KIAA2012: variants seen among roughly 807,000 people sequenced by gnomAD.
KIAA2012 encodes KIAA2012, also known as uncharacterized protein KIAA2012.
A neutral mutation model predicts 150.6 loss-of-function variants in KIAA2012; 125 were observed. The observed-to-expected ratio is 0.83, with a 90% CI of 0.72 to 0.96. The LOEUF (loss-of-function observed/expected upper bound fraction) is 0.96. KIAA2012 is among the 40% of genes least tolerant of loss of function. The probability of loss-of-function intolerance (pLI) is 0.00; values close to 1 mark genes in which losing one functional copy is unlikely to be tolerated. For synonymous variants in KIAA2012, 462 were observed against 504.7 expected (o/e 0.92, Z 1.13); for missense variants, 1,219 against 1,354.9 (o/e 0.90, Z 1.57).
rs1023065509 is a variant in KIAA2012 at position 202,073,564 on chromosome 2, G to C, written c.-64G>C. ...GTGAGCTCTGGAAATCTTGAGGTGT[G>C]ACCAGATTTCAGCCTTCAAAACCAA... On this transcript the variant is annotated 5_prime_UTR_variant, in exon 1 of 24. Coordinates refer to ENST00000498697, the MANE Select transcript of KIAA2012 (RefSeq NM_001277372.4). 1.4e-6 allele frequency: 2 copies of C among 1,405,372 alleles called. No homozygotes were observed. The highest frequency in any genetic ancestry group is 1.4e-5 in the African/African-American group (1 of 70,008). The allele number at this position is 1,405,372 out of a possible 1,614,324, so 87.1% of individuals were successfully genotyped here. A position where few individuals can be genotyped will look rare whatever the true frequency, so the allele number is the denominator to read the frequency against.
chr2:202,075,092 A>G lies in KIAA2012; in HGVS notation c.286A>G (p.Arg96Gly). Residue 96 changes from arginine (R) to glycine (G), a missense_variant, in exon 2 of 24, where the codon AGA becomes GGA. Physicochemically the swap from Arg to Gly is moderately radical, Grantham distance 125. Transcript: ENST00000498697. Reference protein sequence around the residue: ...KERRKGPYCPRGPWRKLDLEL... With the variant: ...KERRKGPYCPGGPWRKLDLEL... The stretch of plus-strand genomic sequence containing the variant: ...GAGGAGAAAAGGCCCCTACTGCCCC[A>G]GAGGTCCCTGGAGGAAGCTGGATCT... 6.4e-7 allele frequency: 1 copy of G among 1,550,558 alleles called. No individual in the cohort carries two copies. Among genetic ancestry groups the G allele is most frequent in the Non-Finnish European group, 8.7e-7 (1 of 1,147,002 alleles).
chr2:202,097,080 C>G (rs1689903958), intron 4 of KIAA2012, among the ~76,000 whole-genome samples: 1 of 152,180 alleles, frequency 6.6e-6, no homozygotes, highest in African/African-American at 2.4e-5. Context: ...ATCCACTAAT[C>G]CCTCACAGTT....
intron 9 of KIAA2012, 137 bp from the exon 10 acceptor site, chr2:202,109,476 C>A: frequency 1.4e-6 from 1 of 702,428 alleles, no homozygotes; most frequent in Non-Finnish European, 2.2e-6. Context: ...TTTCTCCCTT[C>A]TAGCCACAAT....
chr2:202,132,498 C>T lies in KIAA2012; in HGVS notation c.1832-5934C>T, dbSNP rs538565233. On this transcript the variant is annotated intron_variant, in intron 12 of 23. Coordinates refer to ENST00000498697, the MANE Select transcript of KIAA2012 (RefSeq NM_001277372.4). ...CCTGGCCAACATGGCAAAACCCCGTCTCTACTGAAAATACAAAAATTAGCC... is the reference window on the plus strand; with the variant it reads ...CCTGGCCAACATGGCAAAACCCCGTTTCTACTGAAAATACAAAAATTAGCC... Among the ~76,000 whole-genome samples, 4 of 151,642 alleles carry T rather than the reference C, an allele frequency of 2.6e-5. No individual in the cohort carries two copies. In the South Asian group the frequency reaches 8.3e-4, roughly 32 times the overall value.
Position 202,081,175 on chromosome 2 carries a change from C to T in KIAA2012, c.369+6000C>T, listed in dbSNP as rs566470885. On this transcript the variant is annotated intron_variant, in intron 2 of 23. Transcript: ENST00000498697. ...ATGAATTCATGTTGTAGCATGTATCCGAATTTCCTTCTTTTGCAAAGCTGA... is the reference window on the plus strand; with the variant it reads ...ATGAATTCATGTTGTAGCATGTATCTGAATTTCCTTCTTTTGCAAAGCTGA... 8.5e-5 allele frequency among the ~76,000 whole-genome samples: 13 copies of T among 152,324 alleles called. No individual in the cohort carries two copies. In the South Asian group the frequency reaches 1.4e-3, roughly 17 times the overall value.
chr2:202,133,130 A>ATATATATATTTTTTTTTTTTTT (rs1279080237), intron 12 of KIAA2012, among the ~76,000 whole-genome samples: 6 of 67,788 alleles, frequency 8.9e-5, no homozygotes, highest in South Asian at 1.1e-3. Flanking sequence ...ATATATATAT[A>ATATATATATTTTTTTTTTTTTT]TTTTTTTTTT....
At chr2:202,098,047 C>T (rs560959690) in intron 5 of KIAA2012, among the ~76,000 whole-genome samples, 1 of 152,316 alleles carries the variant, frequency 6.6e-6, no homozygotes, top group South Asian at 2.1e-4. Context: ...AGAACTGTAG[C>T]ATTGCAAGAT....
chr2:202,126,508 C>T (rs1297386197), intron 12 of KIAA2012, among the ~76,000 whole-genome samples: 1 of 152,136 alleles, frequency 6.6e-6, no homozygotes, highest in Non-Finnish European at 1.5e-5. Context: ...GGCAGACATC[C>T]TGACGAAGGT....
intron 10 of KIAA2012, among the ~76,000 whole-genome samples, chr2:202,111,680 T>C (rs1690361546): frequency 6.6e-6 from 1 of 152,164 alleles, no homozygotes; most frequent in African/African-American, 2.4e-5. Context: ...TGTGCATGCA[T>C]GTCATTGTGC....
At chr2:202,114,618 G>C (rs1003370965) in intron 11 of KIAA2012, 4 of 162,386 alleles carry the variant, frequency 2.5e-5, no homozygotes, top group Admixed American at 6.9e-5. Flanking sequence ...TATTTAGGCT[G>C]TAAGTTTATT....
intron 10 of KIAA2012, among the ~76,000 whole-genome samples, chr2:202,112,733 G>A (rs1015947992): frequency 1.3e-5 from 2 of 152,210 alleles, no homozygotes; most frequent in Non-Finnish European, 2.9e-5. Flanking sequence ...AGTGTTCTGG[G>A]TTGAGCGTTG....
intron 21 of KIAA2012, among the ~76,000 whole-genome samples, chr2:202,194,817 G>A (rs1692385653): frequency 6.6e-6 from 1 of 152,076 alleles, no homozygotes; most frequent in South Asian, 2.1e-4. Context: ...TGCCTGGGCT[G>A]GAGTGCAATG....
At position 202,125,274 on chromosome 2, in the gene KIAA2012, TC is replaced by T. The variant is rs1426597486; in HGVS notation, c.1825del (p.Leu609Ter). On this transcript the variant is annotated frameshift_variant, in exon 12 of 24. Transcript: ENST00000498697. LOFTEE classifies it high-confidence loss of function. ...HEEEGPSSQH[F>X]LKANTEPRAN... ...GAGGAAGGGCCTAGTAGTCAGCATTTCCTAAAAGGTAAGCTTTTCCACTAAA... is the reference window on the plus strand; with the variant it reads ...GAGGAAGGGCCTAGTAGTCAGCATTTCTAAAAGGTAAGCTTTTCCACTAAA... 6.5e-7 allele frequency: 1 copy of T among 1,549,924 alleles called. No homozygotes were observed. The highest frequency in any genetic ancestry group is 2.0e-5 in the Admixed American group (1 of 50,984).
At chr2:202,138,860 T>C (rs1691138911) in intron 13 of KIAA2012, among the ~76,000 whole-genome samples, 1 of 152,154 alleles carries the variant, frequency 6.6e-6, no homozygotes, top group Non-Finnish European at 1.5e-5. Flanking sequence ...TAATTAGAGA[T>C]AAACATTAGC....
rs939914517 is a variant in KIAA2012, at chr2:202,154,745, A to G, written c.1981A>G (p.Ile661Val). ...EPQSCINKALICSNRKEFYTR... is the reference protein window; with the variant it reads ...EPQSCINKALVCSNRKEFYTR... The stretch of plus-strand genomic sequence containing the variant: ...TCAAAGTTGTATAAATAAAGCGCTG[A>G]TATGTTCAAACAGAAAAGAATTTTA... Residue 661 changes from isoleucine to valine, a missense_variant, in exon 14 of 24, where the codon ATA becomes GTA. Physicochemically the swap from Ile to Val is conservative, Grantham distance 29. Coordinates refer to ENST00000498697, the MANE Select transcript of KIAA2012 (RefSeq NM_001277372.4). 6.5e-7 allele frequency: 1 copy of G among 1,550,260 alleles called. No individual in the cohort carries two copies. Among genetic ancestry groups the G allele is most frequent in the African/African-American group, 1.4e-5 (1 of 73,030 alleles).
chr2:202,201,193 G>A (rs576705390), intron 22 of KIAA2012, among the ~76,000 whole-genome samples: 2 of 152,254 alleles, frequency 1.3e-5, no homozygotes, highest in Admixed American at 1.3e-4. Context: ...GCTTCAGAGA[G>A]TTACTGCTAC....
intron 13 of KIAA2012, among the ~76,000 whole-genome samples, chr2:202,144,962 C>A (rs539422256): frequency 6.6e-6 from 1 of 152,214 alleles, no homozygotes; most frequent in Non-Finnish European, 1.5e-5. Flanking sequence ...CTCACACAAT[C>A]TCTGGGCATT....
At chr2:202,190,021 G>C (rs187989699) in intron 18 of KIAA2012, among the ~76,000 whole-genome samples, 153 bp from the exon 19 acceptor site, 1 of 152,048 alleles carries the variant, frequency 6.6e-6, no homozygotes, top group East Asian at 1.9e-4. Context: ...CCAGGAGTTC[G>C]AGGCTGCAGT....
At chr2:202,133,300 G>A (rs768597509) in intron 12 of KIAA2012, among the ~76,000 whole-genome samples, 8 of 150,672 alleles carry the variant, frequency 5.3e-5, no homozygotes, top group South Asian at 2.1e-4. Flanking sequence ...GGTTTCTCGC[G>A]TGGTTGACAT....
Sources: gnomAD v4.1 joint callset for allele counts (sites outside exome capture counted in the v4.1 genomes callset) on GRCh38, gnomAD v4.1.1 for gene constraint, MANE v1.5 for transcripts, NCBI Gene and HGNC (gene_info 2026-07-23, HGNC 2026-07-21) for gene names.